The following CSRNP3 variants were observed in gnomAD, a reference collection of about 807,000 sequenced individuals.
CSRNP3 encodes cysteine and serine rich nuclear protein 3.
CSRNP3 carries 12 observed loss-of-function variants against 48.0 expected under a neutral mutation model. That is an observed-to-expected ratio of 0.25 (90% CI 0.16 to 0.41). CSRNP3 has a LOEUF of 0.41. Among genes scored for constraint, CSRNP3 ranks in the 10% least tolerant of loss-of-function variants. The pLI is 1.00. For synonymous variants in CSRNP3, 263 were observed against 269.7 expected, an observed-to-expected ratio of 0.98 and a Z score of 0.24; for missense variants, 580 against 724.4, an observed-to-expected ratio of 0.80 and a Z score of 2.29.
chr2:165,591,450 A>C (rs1370549915), intron 3 of CSRNP3, among the ~76,000 whole-genome samples: 1 of 152,198 alleles, frequency 6.6e-6, no homozygotes, highest in African/African-American at 2.4e-5. Context: ...TGAGGAGCTG[A>C]ATGTTAATCA....
rs1687236432 is a variant in CSRNP3, at chr2:165,667,003, G to GAGGAAGAAAGAGAGAGAGAA, written c.408+8989_408+8990insAAAGAGAGAGAGAAAGGAAG. 6.1e-4 allele frequency among the ~76,000 whole-genome samples: 13 copies of GAGGAAGAAAGAGAGAGAGAA among 21,412 alleles called. 1 individual carries two copies. Among genetic ancestry groups the GAGGAAGAAAGAGAGAGAGAA allele is most frequent in the Non-Finnish European group, 1.0e-3 (12 of 11,944 alleles). 14.0% of individuals were successfully genotyped at this position (21,412 alleles called of 152,430 possible). On this transcript the variant is annotated intron_variant, in intron 5 of 6. Coordinates refer to ENST00000651982, the MANE Select transcript of CSRNP3 (RefSeq NM_001172173.2). Reference sequence around the variant, plus strand: ...AGAGAGGAAGAAAGAAAGAGAGAGAGAGGAAGGAAGGAAGGAAAGAGAGAG... The same window carrying GAGGAAGAAAGAGAGAGAGAA: ...AGAGAGGAAGAAAGAAAGAGAGAGAGAGGAAGAAAGAGAGAGAGAAAGGAAGGAAGGAAGGAAAGAGAGAG...
At chr2:165,482,121 G>T (rs532317749) in intron 1 of CSRNP3, among the ~76,000 whole-genome samples, 5 of 152,126 alleles carry the variant, frequency 3.3e-5, no homozygotes, top group African/African-American at 1.2e-4. Context: ...GCTACTATTA[G>T]CCCCATTTGA....
intron 5 of CSRNP3, among the ~76,000 whole-genome samples, chr2:165,669,016 A>C (rs1369698527): frequency 6.6e-6 from 1 of 152,236 alleles, no homozygotes; most frequent in Non-Finnish European, 1.5e-5. Context: ...TTTACTTTAT[A>C]AGATTGTCAT....
At chr2:165,515,738 A>G (rs561730255) in intron 2 of CSRNP3, among the ~76,000 whole-genome samples, 18 of 151,734 alleles carry the variant, frequency 1.2e-4, no homozygotes, top group Non-Finnish European at 2.2e-4. Context: ...TTATAGACAT[A>G]TGCAACTCAA....
chr2:165,486,356 C>T (rs1389833615), intron 1 of CSRNP3, among the ~76,000 whole-genome samples: 5 of 149,548 alleles, frequency 3.3e-5, no homozygotes, highest in South Asian at 2.1e-4. Flanking sequence ...AAGGCGGCAG[C>T]GAGGCTGGGG....
chr2:165,560,136 A>G (rs1056179213), intron 3 of CSRNP3, among the ~76,000 whole-genome samples: 2 of 152,110 alleles, frequency 1.3e-5, no homozygotes, highest in African/African-American at 4.8e-5. Context: ...TCCAAAGACA[A>G]AGATTACAAT....
At chr2:165,541,222 A>AC (rs533297552) in intron 3 of CSRNP3, among the ~76,000 whole-genome samples, 2 of 145,196 alleles carry the variant, frequency 1.4e-5, no homozygotes, top group East Asian at 4.0e-4. Flanking sequence ...CACCAAATGC[A>AC]TTTTTTTTTT....
In CSRNP3 at chr2:165,663,552, A is replaced by G. The variant is rs1051518026; in HGVS notation, c.408+5532A>G. Among the ~76,000 whole-genome samples the G allele has an allele frequency of 3.9e-5, 6 of 152,360 alleles. No individual in the cohort carries two copies. In the South Asian group the frequency reaches 1.2e-3, roughly 32 times the overall value. ...CTGGGCAAATGCAATACATTTAAGAATATGTTCTTTCAAAATATTGTTGGT... is the reference window on the plus strand; with the variant it reads ...CTGGGCAAATGCAATACATTTAAGAGTATGTTCTTTCAAAATATTGTTGGT... On this transcript the variant is annotated intron_variant, in intron 5 of 6. Transcript: ENST00000651982.
At chr2:165,499,123 T>A (rs573456191) in intron 2 of CSRNP3, among the ~76,000 whole-genome samples, 13 of 152,266 alleles carry the variant, frequency 8.5e-5, no homozygotes, top group African/African-American at 2.9e-4. Flanking sequence ...ATATCATGGC[T>A]TGAAAAATGC....
Position 165,595,191 on chromosome 2 carries a change from A to G in CSRNP3, c.126A>G (p.Pro42=), listed in dbSNP as rs772758656. 1.9e-6 allele frequency: 3 copies of G among 1,613,740 alleles called. No individual in the cohort carries two copies. The highest frequency in any genetic ancestry group is 1.3e-5 in the African/African-American group (1 of 75,040). Residue 42 remains proline (P), a synonymous_variant, in exon 4 of 7, where the codon CCA becomes CCG. Coordinates refer to ENST00000651982, the MANE Select transcript of CSRNP3 (RefSeq NM_001172173.2). ...CTGACAGTGGGGACAGTGTCAATCC[A>G]TCCACTTCTAGTCATTTTACCCGTG... The part of the protein sequence containing the change: ...ESADSGDSVN[P]STSSHFTPSS...
intron 4 of CSRNP3, among the ~76,000 whole-genome samples, chr2:165,642,014 T>C (rs934027618): frequency 3.9e-5 from 6 of 152,026 alleles, no homozygotes; most frequent in Admixed American, 1.3e-4. Context: ...AAATAGCCCA[T>C]GTCATGAGAG....
intron 3 of CSRNP3, among the ~76,000 whole-genome samples, chr2:165,520,773 TATATATATATTA>T (rs1684642598): frequency 2.2e-4 from 13 of 58,494 alleles, no homozygotes; most frequent in East Asian, 1.5e-3. Context: ...AAATATATTA[TATATATATATTA>T]TATATATATA....
At chr2:165,517,784 A>G (rs72877709) in intron 2 of CSRNP3, 89 bp from the exon 3 acceptor site, 26,968 of 152,324 alleles carry the variant, frequency 0.18, 2,583 homozygotes, top group Non-Finnish European at 0.2. Context: ...ATTTTCTCCT[A>G]TGTAATCACG....
At chr2:165,582,945 A>G (rs900669721) in intron 3 of CSRNP3, among the ~76,000 whole-genome samples, 3 of 152,258 alleles carry the variant, frequency 2.0e-5, no homozygotes, top group Admixed American at 2.0e-4. Context: ...CCCCACAATT[A>G]TTATTTCTCC....
chr2:165,520,790 T>TATATATATATATATTATATAC (rs1684645999), intron 3 of CSRNP3, among the ~76,000 whole-genome samples: 2 of 16,172 alleles, frequency 1.2e-4, no homozygotes, highest in African/African-American at 8.4e-4. Context: ...ATATTATATA[T>TATATATATATATATTATATAC]ATATATATAT....
intron 3 of CSRNP3, among the ~76,000 whole-genome samples, chr2:165,588,918 T>C (rs1450036806): frequency 6.6e-6 from 1 of 152,166 alleles, no homozygotes; most frequent in African/African-American, 2.4e-5. Context: ...GCCATGATCA[T>C]GCCACTGCAC....
chr2:165,605,486 A>C (rs1685994211), intron 4 of CSRNP3, among the ~76,000 whole-genome samples: 1 of 152,186 alleles, frequency 6.6e-6, no homozygotes, highest in African/African-American at 2.4e-5. Flanking sequence ...TGATAGATAT[A>C]TTGAAGCTGC....
intron 2 of CSRNP3, among the ~76,000 whole-genome samples, chr2:165,517,520 A>G (rs1422013923): frequency 6.6e-6 from 1 of 151,980 alleles, no homozygotes; most frequent in Admixed American, 6.6e-5. Context: ...TTTTGAAGAT[A>G]TGAATCTCCT....
intron 4 of CSRNP3, among the ~76,000 whole-genome samples, chr2:165,624,705 C>T (rs1284333549): frequency 6.6e-6 from 1 of 152,150 alleles, no homozygotes; most frequent in Non-Finnish European, 1.5e-5. Context: ...AGGTTCTCAC[C>T]CTTACTTCCC....
Sources: allele counts gnomAD v4.1 joint callset (sites outside exome capture counted in the v4.1 genomes callset), GRCh38; gene constraint gnomAD v4.1.1; transcripts MANE v1.5; gene names NCBI Gene and HGNC (gene_info 2026-07-23, HGNC 2026-07-21).